TUSC3: variants seen among roughly 807,000 people sequenced by gnomAD.
TUSC3 encodes dolichyl-diphosphooligosaccharide--protein glycosyltransferase subunit TUSC3.
TUSC3 carries 45 observed loss-of-function variants against 44.8 expected under a neutral mutation model. The observed-to-expected ratio is 1.00, with a 90% confidence interval of 0.79 to 1.29. The LOEUF (loss-of-function observed/expected upper bound fraction) is 1.29, where lower values mean the gene tolerates loss of function less well. Ranked by LOEUF, TUSC3 falls within the 50% of genes most tolerant of loss-of-function variation. The pLI is 0.00. For missense variants in TUSC3, 519 were observed against 437.9 expected, an observed-to-expected ratio of 1.19 and a Z score of -1.65; for synonymous variants, 212 against 152.9, an observed-to-expected ratio of 1.39 and a Z score of -2.85.
At chr8:15,600,643 G>C (rs1422338283) in intron 1 of TUSC3, among the ~76,000 whole-genome samples, 2 of 151,690 alleles carry the variant, frequency 1.3e-5, no homozygotes, top group Admixed American at 6.6e-5. Context: ...CATTTGAGGA[G>C]GTAACTCAGT....
upstream of TUSC3, among the ~76,000 whole-genome samples, chr8:15,538,394 G>T (rs1315246186): frequency 6.6e-6 from 1 of 152,132 alleles, no homozygotes; most frequent in Non-Finnish European, 1.5e-5. Context: ...CAGGCAAAAT[G>T]TTCACATAAT....
rs180821516 is a variant in TUSC3 at position 15,446,167 on chromosome 8, C to T, written n.91+28862C>T. ...GCAGAGGCGCTCCTCACATCCCAGA[C>T]GGGGCATCGGGGCAGAGGCGCTCCC... On this transcript the variant is annotated intron_variant and non_coding_transcript_variant, in intron 1 of 5. Transcript: ENST00000503191. Among the ~76,000 whole-genome samples the T allele has an allele frequency of 3.6e-3, 533 of 149,100 alleles. 3 individuals carry two copies. Among genetic ancestry groups the T allele is most frequent in the Middle Eastern group, 0.011 (3 of 262 alleles).
chr8:15,641,375 A>AG (rs1481396728), intron 2 of TUSC3, among the ~76,000 whole-genome samples: 4 of 151,800 alleles, frequency 2.6e-5, no homozygotes, highest in African/African-American at 9.7e-5. Flanking sequence ...AAAAAAAAAA[A>AG]AAAAGAAAAG....
intron 1 of TUSC3, chr8:15,561,812 C>G (rs10104924): frequency 0.19 from 28,804 of 151,086 alleles, 2,795 homozygotes; most frequent in South Asian, 0.24. Context: ...AAAGGGAACT[C>G]CCTGACCCCT....
the TUSC3 span, among the ~76,000 whole-genome samples, chr8:15,822,513 G>A: frequency 3.0e-3 from 451 of 152,214 alleles, 1 homozygote; most frequent in African/African-American, 0.01. Context: ...GTGAAAATTT[G>A]TATTTCTTGC....
chr8:15,507,675 C>T (rs1039778705), intron 2 of TUSC3, among the ~76,000 whole-genome samples: 1 of 151,746 alleles, frequency 6.6e-6, no homozygotes, highest in Admixed American at 6.6e-5. Context: ...ATACAAAATA[C>T]AAAAATATGT....
chr8:15,780,888 C>T, the TUSC3 span, among the ~76,000 whole-genome samples: 1 of 152,172 alleles, frequency 6.6e-6, no homozygotes, highest in East Asian at 1.9e-4. Flanking sequence ...AGAGGGTATG[C>T]AACCATTTCC....
the TUSC3 span, among the ~76,000 whole-genome samples, chr8:15,796,455 C>T: frequency 6.6e-6 from 1 of 152,152 alleles, no homozygotes; most frequent in African/African-American, 2.4e-5. Context: ...CAAAGTTCAC[C>T]AAGGACTATA....
At chr8:15,453,410 A>G (rs1292902819) in intron 1 of TUSC3, among the ~76,000 whole-genome samples, 1 of 152,214 alleles carries the variant, frequency 6.6e-6, no homozygotes, top group Non-Finnish European at 1.5e-5. Context: ...TAAAAAAGCA[A>G]GTAGCTCCTA....
chr8:15,605,842 G>A (rs1563129880), intron 1 of TUSC3, among the ~76,000 whole-genome samples: 1 of 152,002 alleles, frequency 6.6e-6, no homozygotes, highest in Non-Finnish European at 1.5e-5. Flanking sequence ...ATTAACTGTA[G>A]TACGTTATAG....
chr8:15,465,734 A>G (rs964539667), intron 1 of TUSC3, among the ~76,000 whole-genome samples: 1 of 152,196 alleles, frequency 6.6e-6, no homozygotes, highest in Non-Finnish European at 1.5e-5. Flanking sequence ...GGAATTAAAC[A>G]TCAAACATAA....
the TUSC3 span, among the ~76,000 whole-genome samples, chr8:15,773,438 G>C: frequency 6.8e-6 from 1 of 146,292 alleles, no homozygotes; most frequent in African/African-American, 2.4e-5. Flanking sequence ...ATTGCTGAAA[G>C]AAGTTAAAAA....
At chr8:15,748,600 C>A in intron 9 of TUSC3, 135 bp downstream of exon 9, 1 of 817,942 alleles carries the variant, frequency 1.2e-6, no homozygotes, top group Non-Finnish European at 2.1e-6. Flanking sequence ...AGTTTTTGAG[C>A]ACCTGCCATG....
intron 6 of TUSC3, among the ~76,000 whole-genome samples, chr8:15,714,115 G>A (rs1809970358): frequency 6.6e-6 from 1 of 152,128 alleles, no homozygotes; most frequent in Non-Finnish European, 1.5e-5. Flanking sequence ...AGCATGAGAT[G>A]TGTTATTGGT....
At chr8:15,598,961 G>T (rs1177879038) in intron 1 of TUSC3, among the ~76,000 whole-genome samples, 1 of 151,684 alleles carries the variant, frequency 6.6e-6, no homozygotes, top group Non-Finnish European at 1.5e-5. Context: ...AGATCCCAAG[G>T]AATGCATTTG....
chr8:15,727,591 A>G (rs1191316722), intron 6 of TUSC3, among the ~76,000 whole-genome samples: 1 of 152,176 alleles, frequency 6.6e-6, no homozygotes, highest in Non-Finnish European at 1.5e-5. Context: ...ACACACAAAA[A>G]AAGAAGTACA....
rs371423786 is a variant in TUSC3 at position 15,540,398 on chromosome 8, T to C, written c.-33T>C. 3.3e-6 allele frequency: 5 copies of C among 1,535,694 alleles called. No homozygotes were observed. The South Asian group carries it at 4.8e-5, about 15-fold the overall frequency. Reference sequence around the variant, plus strand: ...GCGGTAGGAGCTGGGCGCGCACGGCTACCGCGCGTGGAGGAGACACTGCCC... The same window carrying C: ...GCGGTAGGAGCTGGGCGCGCACGGCCACCGCGCGTGGAGGAGACACTGCCC... On this transcript the variant is annotated 5_prime_UTR_variant, in exon 1 of 11. Transcript: ENST00000503731.
In TUSC3 at chr8:15,474,226, G is replaced by A. The variant is rs534638567; in HGVS notation, n.92-9160G>A. On this transcript the variant is annotated intron_variant and non_coding_transcript_variant, in intron 1 of 5. Transcript: ENST00000503191. ...TGTCTTCCCTTGTTCCCTGAAAATCGCTGTTATTCTGTTCTTTTTCAAGGT... is the reference window on the plus strand; with the variant it reads ...TGTCTTCCCTTGTTCCCTGAAAATCACTGTTATTCTGTTCTTTTTCAAGGT... 1.3e-4 allele frequency among the ~76,000 whole-genome samples: 20 copies of A among 152,148 alleles called. No individual in the cohort carries two copies. In the East Asian group the frequency reaches 2.9e-3, roughly 22 times the overall value.
chr8:15,849,998 C>A, the TUSC3 span, among the ~76,000 whole-genome samples: 15 of 152,218 alleles, frequency 9.9e-5, no homozygotes, highest in East Asian at 1.7e-3. Context: ...ACATTTGATA[C>A]CATTCATCTT....
Sources: allele counts gnomAD v4.1 joint callset (sites outside exome capture counted in the v4.1 genomes callset), GRCh38; gene constraint gnomAD v4.1.1; transcripts MANE v1.5; gene names NCBI Gene and HGNC (gene_info 2026-07-23, HGNC 2026-07-21).